DACH1: variants seen among roughly 807,000 people sequenced by gnomAD.
DACH1 encodes the protein dachshund homolog 1.
In DACH1, 12 loss-of-function variants were observed where a neutral mutation model predicts 54.2. The ratio of observed to expected loss-of-function variants is 0.22; its 90% CI spans 0.14 to 0.36. DACH1 has a LOEUF of 0.36. Ranked by LOEUF, DACH1 falls within the 10% of genes least tolerant of loss-of-function variation. The pLI, the probability that DACH1 is intolerant of heterozygous loss-of-function variation, is 1.00. For missense variants in DACH1, 805 were observed against 929.8 expected (o/e 0.87, Z 1.75); for synonymous variants, 386 against 366.2 (o/e 1.05, Z -0.62).
intron 1 of DACH1, 63 bp downstream of exon 1, chr13:71,865,859 A>T: frequency 6.9e-7 from 1 of 1,444,118 alleles, no homozygotes; most frequent in Non-Finnish European, 9.1e-7. Context: ...GAAAGGAGCG[A>T]GGGCAGGCGA....
intron 2 of DACH1, among the ~76,000 whole-genome samples, chr13:71,641,179 T>C (rs1335149615): frequency 2.0e-5 from 3 of 152,106 alleles, no homozygotes; most frequent in Middle Eastern, 6.8e-3. Context: ...ATACAGTAAA[T>C]AAATGTTTTT....
Position 71,440,567 on chromosome 13 carries a change from G to T in DACH1, c.*88C>A. On this transcript the variant is annotated 3_prime_UTR_variant, in exon 11 of 11. Coordinates refer to ENST00000613252, the MANE Select transcript of DACH1 (RefSeq NM_080759.6). ...CAAAATTCAGGAAGTTCCCTTAAAA[G>T]GACTTTATTTTTTTCTGAACTTTCC... 1 of 1,015,756 alleles carries T rather than the reference G, an allele frequency of 9.8e-7. No homozygotes were observed. The highest frequency in any genetic ancestry group is 1.5e-5 in the South Asian group (1 of 66,778). 62.9% of individuals were successfully genotyped at this position (1,015,756 alleles called of 1,614,324 possible).
intron 10 of DACH1, among the ~76,000 whole-genome samples, chr13:71,457,909 A>C (rs1424356837): frequency 6.6e-6 from 1 of 151,882 alleles, no homozygotes; most frequent in Non-Finnish European, 1.5e-5. Flanking sequence ...TTGTCACATC[A>C]CACCCCATAT....
chr13:71,671,985 C>T (rs1880233699), intron 2 of DACH1, among the ~76,000 whole-genome samples: 1 of 152,088 alleles, frequency 6.6e-6, no homozygotes, highest in Non-Finnish European at 1.5e-5. Flanking sequence ...CTTCTTAAGA[C>T]TAAACATCAC....
intron 8 of DACH1, among the ~76,000 whole-genome samples, chr13:71,476,823 A>C (rs962471284): frequency 3.3e-5 from 5 of 151,800 alleles, no homozygotes; most frequent in African/African-American, 1.2e-4. Flanking sequence ...TACTCAGCAT[A>C]TGGGAATATG....
At chr13:71,638,760 C>T (rs1365468108) in intron 2 of DACH1, among the ~76,000 whole-genome samples, 2 of 152,128 alleles carry the variant, frequency 1.3e-5, no homozygotes, top group Non-Finnish European at 2.9e-5. Context: ...AAAATTAGCT[C>T]AGGCATTTTG....
intron 1 of DACH1, among the ~76,000 whole-genome samples, chr13:71,749,244 A>C (rs2137973189): frequency 6.6e-6 from 1 of 152,006 alleles, no homozygotes; most frequent in African/African-American, 2.4e-5. Flanking sequence ...CGGCCTCCCA[A>C]AGTGCTGGGA....
rs536876905 is a variant in DACH1, at chr13:71,866,282, C to A, written c.488G>T (p.Ser163Ile). 2 of 1,580,442 alleles carry A rather than the reference C, an allele frequency of 1.3e-6. No homozygotes were observed. The highest frequency in any genetic ancestry group is 2.7e-5 in the African/African-American group (2 of 74,158). ...GGGTTTCCCGGGGAGGGGGCCGCAG[C>A]TGCTGCTGCTACTGCTGCTGCTGCT... ...SSSSSSSSSS[S>I]CGPLPGKPVY... The change falls in exon 1 of 11, where the codon AGC becomes ATC. Residue 163 changes from serine to isoleucine, a missense_variant. Ser to Ile is a moderately radical substitution (Grantham distance 142, BLOSUM62 -2). Transcript: ENST00000613252.
At chr13:71,587,616 T>C (rs892513492) in intron 3 of DACH1, among the ~76,000 whole-genome samples, 1 of 149,594 alleles carries the variant, frequency 6.7e-6, no homozygotes, top group Non-Finnish European at 1.5e-5. Flanking sequence ...TTTTATGATA[T>C]TTCAAGTAAT....
intron 6 of DACH1, among the ~76,000 whole-genome samples, chr13:71,515,715 C>T (rs1035764912): frequency 2.6e-5 from 4 of 151,788 alleles, no homozygotes; most frequent in Admixed American, 6.6e-5. Flanking sequence ...CAAAGTTCAC[C>T]ATTTAGAATT....
intron 1 of DACH1, among the ~76,000 whole-genome samples, chr13:71,845,427 C>T (rs1005079887): frequency 1.3e-5 from 2 of 151,998 alleles, no homozygotes; most frequent in East Asian, 3.9e-4. Context: ...TAATAATAAT[C>T]TAAAGACATC....
chr13:71,862,752 A>T (rs962655946), intron 1 of DACH1, among the ~76,000 whole-genome samples: 1 of 152,094 alleles, frequency 6.6e-6, no homozygotes, highest in Non-Finnish European at 1.5e-5. Context: ...GAGCAAGTTT[A>T]TGAACCTTAC....
intron 1 of DACH1, among the ~76,000 whole-genome samples, chr13:71,730,288 G>A (rs879897615): frequency 5.3e-5 from 8 of 151,876 alleles, no homozygotes; most frequent in Non-Finnish European, 8.8e-5. Flanking sequence ...CATTACCTGG[G>A]GCTACCAGCC....
At chr13:71,528,741 A>T (rs1358459275) in intron 6 of DACH1, among the ~76,000 whole-genome samples, 3 of 152,148 alleles carry the variant, frequency 2.0e-5, no homozygotes, top group Non-Finnish European at 4.4e-5. Flanking sequence ...TAGACAAGTC[A>T]TTTAACCTTT....
intron 10 of DACH1, among the ~76,000 whole-genome samples, chr13:71,466,845 C>CAAAA (rs55861394): frequency 0.021 from 2,075 of 98,876 alleles, 86 homozygotes; most frequent in South Asian, 0.031. Context: ...CACCCTGTCT[C>CAAAA]AAAAAAAAAA....
intron 2 of DACH1, among the ~76,000 whole-genome samples, chr13:71,669,617 G>C (rs1880090119): frequency 6.6e-6 from 1 of 152,106 alleles, no homozygotes; most frequent in African/African-American, 2.4e-5. Flanking sequence ...CCAGTCCCTG[G>C]TGCCAAAAAG....
chr13:71,538,438 G>C (rs76976059), intron 6 of DACH1, among the ~76,000 whole-genome samples: 2,201 of 151,804 alleles, frequency 0.014, 27 homozygotes, highest in Middle Eastern at 0.034. Context: ...AGAAGCAAGC[G>C]TGGCAAAAGA....
intron 6 of DACH1, among the ~76,000 whole-genome samples, chr13:71,516,844 G>T (rs896382710): frequency 6.6e-6 from 1 of 151,624 alleles, no homozygotes; most frequent in Non-Finnish European, 1.5e-5. Flanking sequence ...ATCTGTAAGT[G>T]CCCTACAAAC....
intron 1 of DACH1, among the ~76,000 whole-genome samples, chr13:71,786,337 T>C (rs1024164524): frequency 1.3e-5 from 2 of 152,184 alleles, no homozygotes; most frequent in African/African-American, 2.4e-5. Flanking sequence ...GTAGATGCTC[T>C]TAATGCCTTG....
Sources: gnomAD v4.1 joint callset for allele counts (sites outside exome capture counted in the v4.1 genomes callset) on GRCh38, gnomAD v4.1.1 for gene constraint, MANE v1.5 for transcripts, NCBI Gene and HGNC (gene_info 2026-07-23, HGNC 2026-07-21) for gene names.